Variants in CPXM2 observed in about 807,000 individuals in gnomAD.
The protein encoded by CPXM2 is carboxypeptidase X, M14 family member 2.
A neutral mutation model predicts 86.1 loss-of-function variants in CPXM2; 66 were observed. That is an observed-to-expected ratio of 0.77 (90% CI 0.63 to 0.94). The LOEUF is 0.94. Among genes scored for constraint, CPXM2 ranks in the 40% least tolerant of loss-of-function variants. The pLI, the probability that CPXM2 is intolerant of heterozygous loss-of-function variation, is 0.00. For missense variants in CPXM2, 948 were observed against 1,026.3 expected (o/e 0.92, Z 1.04); for synonymous variants, 388 against 400.2 (o/e 0.97, Z 0.36).
chr10:123,773,620 G>A (rs553406558), intron 7 of CPXM2, among the ~76,000 whole-genome samples: 18 of 152,066 alleles, frequency 1.2e-4, no homozygotes, highest in African/African-American at 1.9e-4. Context: ...AATACACACC[G>A]CTCCTTCCCT....
At position 123,757,262 on chromosome 10, in the gene CPXM2, G is replaced by A. The variant is rs1846235871; in HGVS notation, c.1868C>T (p.Pro623Leu). The A allele has an allele frequency of 1.2e-6, 2 of 1,613,974 alleles. No homozygotes were observed. The highest frequency in any genetic ancestry group is 1.7e-6 in the Non-Finnish European group (2 of 1,179,912). Residue 623 changes from proline to leucine, a missense_variant, in exon 12 of 14, where the codon CCC (proline) becomes CTC (leucine). Coordinates refer to ENST00000241305, the MANE Select transcript of CPXM2 (RefSeq NM_198148.3). ...TTCCCGGTTATTCTCCCACTCCTCG[G>A]GCAGCTGGCTCTCATGTGGGTATTT... is the stretch of plus-strand genomic sequence containing the variant. ...CDKYPHESQL[P>L]EEWENNRESL... is the part of the protein sequence containing the mutation.
chr10:123,917,951 T>C (rs546975056), intron 2 of CPXM2, among the ~76,000 whole-genome samples: 1 of 152,290 alleles, frequency 6.6e-6, no homozygotes, highest in African/African-American at 2.4e-5. Context: ...GATGTTATAA[T>C]AGGAACACAT....
intron 4 of CPXM2, among the ~76,000 whole-genome samples, chr10:123,837,539 A>G (rs974983545): frequency 6.6e-6 from 1 of 152,180 alleles, no homozygotes; most frequent in African/African-American, 2.4e-5. Context: ...CAATCATCAC[A>G]TTGGTTATAA....
intron 11 of CPXM2, among the ~76,000 whole-genome samples, chr10:123,761,518 G>A (rs759842674): frequency 7.9e-5 from 12 of 152,094 alleles, no homozygotes; most frequent in South Asian, 2.1e-4. Context: ...GTCCAATATC[G>A]CCATTAACTC....
intron 3 of CPXM2, among the ~76,000 whole-genome samples, chr10:123,850,156 T>C (rs371516169): frequency 1.3e-5 from 2 of 152,216 alleles, no homozygotes; most frequent in South Asian, 2.1e-4. Context: ...CTGTAGTACA[T>C]AAAAAATGAC....
chr10:123,893,915 C>T (rs1348777807), upstream of CPXM2, among the ~76,000 whole-genome samples: 1 of 152,218 alleles, frequency 6.6e-6, no homozygotes, highest in African/African-American at 2.4e-5. Context: ...TCCATCAGAA[C>T]CCCCAGAGCT....
intron 2 of CPXM2, among the ~76,000 whole-genome samples, chr10:123,877,942 G>C (rs1471341438): frequency 6.6e-6 from 1 of 152,144 alleles, no homozygotes; most frequent in African/African-American, 2.4e-5. Flanking sequence ...AACATCGCCT[G>C]TACTGCCCCC....
chr10:123,788,051 G>A (rs1472082551), intron 6 of CPXM2, among the ~76,000 whole-genome samples: 3 of 151,894 alleles, frequency 2.0e-5, no homozygotes, highest in African/African-American at 4.8e-5. Flanking sequence ...AGGCTGAGGC[G>A]GGTGGATCAC....
At chr10:123,863,808 A>T (rs1250463772) in intron 2 of CPXM2, among the ~76,000 whole-genome samples, 1 of 151,868 alleles carries the variant, frequency 6.6e-6, no homozygotes, top group Non-Finnish European at 1.5e-5. Flanking sequence ...ACACCCCGTC[A>T]CTCTCTGAGA....
At chr10:123,850,789 T>C (rs929309172) in intron 3 of CPXM2, among the ~76,000 whole-genome samples, 1 of 152,368 alleles carries the variant, frequency 6.6e-6, no homozygotes, top group Admixed American at 6.5e-5. Flanking sequence ...GAATGAATTT[T>C]CTACCTGTGA....
chr10:123,866,210 T>C (rs1848976210), intron 2 of CPXM2, among the ~76,000 whole-genome samples: 1 of 152,052 alleles, frequency 6.6e-6, no homozygotes, highest in Non-Finnish European at 1.5e-5. Context: ...AGCCCACACT[T>C]CAGCTATGAG....
chr10:123,784,264 T>C (rs1847000894), intron 6 of CPXM2, among the ~76,000 whole-genome samples: 1 of 152,180 alleles, frequency 6.6e-6, no homozygotes, highest in South Asian at 2.1e-4. Flanking sequence ...GCTGACATCG[T>C]ACCACTGGCA....
chr10:123,880,117 G>C (rs1427298553), intron 2 of CPXM2, 94 bp downstream of exon 2: 1 of 677,460 alleles, frequency 1.5e-6, no homozygotes, highest in Non-Finnish European at 2.7e-6. Context: ...TCGGGAATCT[G>C]TAGTCAGGCT....
intron 3 of CPXM2, chr10:123,843,352 G>C: frequency 2.3e-6 from 1 of 435,144 alleles, no homozygotes; most frequent in East Asian, 7.2e-5. Context: ...CTGACTCCTC[G>C]CCTCCCAAAA....
intron 1 of CPXM2, among the ~76,000 whole-genome samples, chr10:123,880,849 AAG>A (rs1554888841): frequency 2.6e-5 from 4 of 151,168 alleles, no homozygotes; most frequent in African/African-American, 9.7e-5. Context: ...AAAAAAAAAA[AAG>A]ACTGAAGAAT....
At chr10:123,845,686 T>C (rs1466064501) in intron 3 of CPXM2, among the ~76,000 whole-genome samples, 1 of 152,148 alleles carries the variant, frequency 6.6e-6, no homozygotes, top group Admixed American at 6.5e-5. Flanking sequence ...ATAAAAACTG[T>C]ACTTTCCCAG....
intron 13 of CPXM2, among the ~76,000 whole-genome samples, chr10:123,747,652 C>T (rs1410532846): frequency 2.0e-5 from 3 of 152,098 alleles, no homozygotes; most frequent in Non-Finnish European, 2.9e-5. Flanking sequence ...GCCCATGCCT[C>T]CCAGGTAACT....
chr10:123,886,764 A>G (rs929288774), intron 1 of CPXM2, among the ~76,000 whole-genome samples: 5 of 152,236 alleles, frequency 3.3e-5, no homozygotes, highest in Admixed American at 3.3e-4. Context: ...CCCTCATTCA[A>G]ATCAATAGTT....
At chr10:123,849,630 C>T (rs2134168628) in intron 3 of CPXM2, among the ~76,000 whole-genome samples, 1 of 152,206 alleles carries the variant, frequency 6.6e-6, no homozygotes, top group South Asian at 2.1e-4. Context: ...TCAGGCTGGT[C>T]TCGATCTCCT....
Sources: allele counts gnomAD v4.1 joint callset (sites outside exome capture counted in the v4.1 genomes callset), GRCh38; gene constraint gnomAD v4.1.1; transcripts MANE v1.5; gene names NCBI Gene and HGNC (gene_info 2026-07-23, HGNC 2026-07-21).